The following ME3 variants were observed in gnomAD, a reference collection of about 807,000 sequenced individuals.
ME3 encodes malic enzyme 3.
Under a neutral mutation model 68.9 loss-of-function variants are expected in ME3, and 48 were observed. The observed-to-expected ratio is 0.70, with a 90% confidence interval of 0.55 to 0.89. The LOEUF (loss-of-function observed/expected upper bound fraction) is 0.89, where lower values mean the gene tolerates loss of function less well. Among genes scored for constraint, ME3 ranks in the 40% least tolerant of loss-of-function variants. The probability of loss-of-function intolerance (pLI) is 0.00; values close to 1 mark genes in which losing one functional copy is unlikely to be tolerated. For missense variants in ME3, 675 were observed against 797.4 expected (o/e 0.85, Z 1.85); for synonymous variants, 320 against 318.8 (o/e 1.00, Z -0.04).
At chr11:86,621,975 T>C (rs985946453) in intron 2 of ME3, among the ~76,000 whole-genome samples, 1 of 152,008 alleles carries the variant, frequency 6.6e-6, no homozygotes, top group African/African-American at 2.4e-5. Context: ...CAGGAAAGTT[T>C]CAACTTCCAG....
At chr11:86,600,752 C>G (rs1467406032) in intron 2 of ME3, among the ~76,000 whole-genome samples, 4 of 151,828 alleles carry the variant, frequency 2.6e-5, no homozygotes, top group African/African-American at 9.7e-5. Flanking sequence ...AACAAACTGT[C>G]TCTCAGACCA....
chr11:86,571,762 G>C (rs1385588060), intron 2 of ME3, among the ~76,000 whole-genome samples: 1 of 152,224 alleles, frequency 6.6e-6, no homozygotes, highest in Non-Finnish European at 1.5e-5. Flanking sequence ...CAGAGTGATG[G>C]TTTGTTTTGT....
At chr11:86,482,532 A>G (rs1169295605) in intron 7 of ME3, among the ~76,000 whole-genome samples, 2 of 150,676 alleles carry the variant, frequency 1.3e-5, no homozygotes, top group Middle Eastern at 3.4e-3. Context: ...GTGGCCCCCA[A>G]TGCACCATAC....
chr11:86,475,239 T>C (rs562673267), intron 7 of ME3, among the ~76,000 whole-genome samples: 2 of 152,286 alleles, frequency 1.3e-5, no homozygotes, highest in African/African-American at 2.4e-5. Flanking sequence ...GTCCTCGTGA[T>C]AGTGAGTTGT....
At chr11:86,532,931 A>C (rs1467868140) in intron 4 of ME3, among the ~76,000 whole-genome samples, 4 of 152,126 alleles carry the variant, frequency 2.6e-5, no homozygotes, top group African/African-American at 9.7e-5. Context: ...AGGCGACTGT[A>C]ATCCTGGCTA....
chr11:86,510,584 G>T (rs1394975254), intron 4 of ME3, among the ~76,000 whole-genome samples: 2 of 152,116 alleles, frequency 1.3e-5, no homozygotes, highest in Non-Finnish European at 2.9e-5. Flanking sequence ...GACATTTTGG[G>T]TTGGATAATT....
intron 4 of ME3, among the ~76,000 whole-genome samples, chr11:86,526,370 G>A (rs1360434553): frequency 6.6e-6 from 1 of 152,202 alleles, no homozygotes; most frequent in Non-Finnish European, 1.5e-5. Flanking sequence ...AAGCAGCCGG[G>A]AAGCTCGAAC....
chr11:86,591,884 G>A (rs914720078), intron 2 of ME3, among the ~76,000 whole-genome samples: 5 of 152,094 alleles, frequency 3.3e-5, no homozygotes, highest in South Asian at 2.1e-4. Flanking sequence ...CAACACGTGG[G>A]AATTCAAGAT....
intron 7 of ME3, among the ~76,000 whole-genome samples, chr11:86,473,230 C>A (rs75939173): frequency 0.077 from 11,756 of 152,254 alleles, 503 homozygotes; most frequent in South Asian, 0.11. Context: ...CGCAATGGGC[C>A]GTGGTCGGGA....
At chr11:86,547,775 C>T (rs659405) in intron 4 of ME3, among the ~76,000 whole-genome samples, 1 of 151,962 alleles carries the variant, frequency 6.6e-6, no homozygotes, top group South Asian at 2.1e-4. Context: ...GAATGGTCCA[C>T]TCAACTCCTG....
chr11:86,647,618 A>T (rs1307068253), intron 2 of ME3, among the ~76,000 whole-genome samples: 4 of 151,842 alleles, frequency 2.6e-5, no homozygotes, highest in African/African-American at 4.9e-5. Flanking sequence ...AGTCTCTGAT[A>T]AAAAAAGACT....
downstream of ME3, among the ~76,000 whole-genome samples, chr11:86,437,880 T>TGAATGC (rs1322858847): frequency 1.6e-5 from 1 of 63,900 alleles, no homozygotes; most frequent in East Asian, 4.2e-4. Flanking sequence ...TGAATGAATG[T>TGAATGC]GTATGTGTTC....
intron 2 of ME3, among the ~76,000 whole-genome samples, chr11:86,626,872 A>G (rs561893223): frequency 6.6e-6 from 1 of 152,244 alleles, no homozygotes; most frequent in East Asian, 1.9e-4. Flanking sequence ...ATCATTCATT[A>G]TATTATATCC....
chr11:86,511,322 C>A (rs1953510416), intron 4 of ME3, among the ~76,000 whole-genome samples: 4 of 152,244 alleles, frequency 2.6e-5, no homozygotes, highest in Admixed American at 2.6e-4. Flanking sequence ...AACTTCCTTA[C>A]TTCATCTTGT....
At chr11:86,549,209 A>C (rs1328470478) in intron 4 of ME3, among the ~76,000 whole-genome samples, 1 of 152,232 alleles carries the variant, frequency 6.6e-6, no homozygotes, top group Non-Finnish European at 1.5e-5. Flanking sequence ...AGTTCACTTA[A>C]GTTACCTCTG....
chr11:86,571,442 C>T (rs895025991), intron 2 of ME3, among the ~76,000 whole-genome samples: 1 of 152,200 alleles, frequency 6.6e-6, no homozygotes, highest in Non-Finnish European at 1.5e-5. Context: ...TTAGTCTGCT[C>T]AGTGCTGCAA....
the ME3 span, chr11:86,435,192 C>T: frequency 1.3e-5 from 2 of 152,316 alleles, no homozygotes; most frequent in East Asian, 1.9e-4. Context: ...TCTCTCACCA[C>T]AATTCAATTA....
At chr11:86,449,769 A>G in intron 10 of ME3, 120 bp downstream of exon 10, 1 of 702,078 alleles carries the variant, frequency 1.4e-6, no homozygotes, top group Non-Finnish European at 2.4e-6. Context: ...AGCTTAGGCC[A>G]TTGCCCTCAT....
chr11:86,453,924 CT>C (rs1949776913), intron 8 of ME3, among the ~76,000 whole-genome samples: 1 of 152,176 alleles, frequency 6.6e-6, no homozygotes. Context: ...GTAGCAGATC[CT>C]TAGTGTTTCT....
Sources: allele counts gnomAD v4.1 joint callset (sites outside exome capture counted in the v4.1 genomes callset), GRCh38; gene constraint gnomAD v4.1.1; transcripts MANE v1.5; gene names NCBI Gene and HGNC (gene_info 2026-07-23, HGNC 2026-07-21).